The following IL6R variants were observed in gnomAD, a reference collection of about 807,000 sequenced individuals.
IL6R encodes interleukin 6 receptor.
In IL6R, 38 loss-of-function variants were observed where a neutral mutation model predicts 48.3. That is an observed-to-expected ratio of 0.79 (90% CI 0.61 to 1.03). IL6R has a LOEUF of 1.03. Among genes scored for constraint, IL6R ranks in the 50% least tolerant of loss-of-function variants. The pLI is 0.00. For synonymous variants in IL6R, 264 were observed against 256.2 expected (o/e 1.03, Z -0.29); for missense variants, 534 against 618.3 (o/e 0.86, Z 1.45).
In IL6R at chr1:154,434,500, C is replaced by CT; in HGVS notation, c.459-17dup. On this transcript the variant is annotated intron_variant, in intron 3 of 9. Coordinates refer to ENST00000368485, the MANE Select transcript of IL6R (RefSeq NM_000565.4). ...GCGAAACTGACAGGCAAGCCCTGCC[C>CT]TTGTTTTGTGTCTAACAGTCAGAAC... The CT allele has an allele frequency of 6.2e-7, 1 of 1,606,490 alleles. No homozygotes were observed.
At chr1:154,454,038 A>G (rs1690734354) in intron 8 of IL6R, 1 of 172,286 alleles carries the variant, frequency 5.8e-6, no homozygotes, top group South Asian at 1.3e-4. Flanking sequence ...CACTTGATTT[A>G]AAGCATCCAA....
intron 3 of IL6R, 89 bp from the exon 4 acceptor site, chr1:154,434,430 A>C: frequency 1.7e-6 from 2 of 1,195,776 alleles, no homozygotes; most frequent in Non-Finnish European, 2.4e-6. Context: ...CTGGGATTCA[A>C]ACCCCGGGAT....
chr1:154,450,634 G>T (rs1367147208), intron 8 of IL6R, among the ~76,000 whole-genome samples: 1 of 152,196 alleles, frequency 6.6e-6, no homozygotes, highest in Non-Finnish European at 1.5e-5. Context: ...TTTATTTTGG[G>T]AGCCCTTGAT....
At chr1:154,424,472 C>T (rs1339694240) in intron 1 of IL6R, among the ~76,000 whole-genome samples, 3 of 152,204 alleles carry the variant, frequency 2.0e-5, no homozygotes, top group Non-Finnish European at 4.4e-5. Context: ...ATCAGCGAAT[C>T]AGCTGAGGAA....
rs1691529411 is a variant in IL6R, at chr1:154,465,842, T to G, written c.*462T>G. The G allele has an allele frequency of 1.3e-5, 2 of 159,760 alleles. No individual in the cohort carries two copies. Among genetic ancestry groups the G allele is most frequent in the Admixed American group, 1.2e-4 (2 of 16,262 alleles). 9.9% of individuals were successfully genotyped at this position (159,760 alleles called of 1,614,324 possible). Reference sequence around the variant, plus strand: ...CCACTGCATCGTTTCATCTTCCAACTCAAACTCTTAAAACCCAAGTGCCTT... The same window carrying G: ...CCACTGCATCGTTTCATCTTCCAACGCAAACTCTTAAAACCCAAGTGCCTT... On this transcript the variant is annotated 3_prime_UTR_variant, in exon 10 of 10. Coordinates refer to ENST00000368485, the MANE Select transcript of IL6R (RefSeq NM_000565.4).
intron 3 of IL6R, among the ~76,000 whole-genome samples, chr1:154,433,129 G>A (rs1689399922): frequency 6.6e-6 from 1 of 152,228 alleles, no homozygotes; most frequent in African/African-American, 2.4e-5. Context: ...CTTCGTGGCT[G>A]GGTGGAAGCC....
chr1:154,437,744 C>T (rs568544781), intron 6 of IL6R, among the ~76,000 whole-genome samples: 7 of 150,822 alleles, frequency 4.6e-5, no homozygotes, highest in East Asian at 3.9e-4. Flanking sequence ...GACGGAATCT[C>T]GCTCTGTTGC....
chr1:154,460,398 C>T (rs1368479368), intron 9 of IL6R, among the ~76,000 whole-genome samples: 1 of 141,250 alleles, frequency 7.1e-6, no homozygotes, highest in Non-Finnish European at 1.6e-5. Flanking sequence ...AAGGAAAGCT[C>T]ACCTTTCTTT....
chr1:154,420,851 T>G (rs1047502607), intron 1 of IL6R, among the ~76,000 whole-genome samples: 1 of 152,130 alleles, frequency 6.6e-6, no homozygotes, highest in Non-Finnish European at 1.5e-5. Flanking sequence ...GTACTTTATA[T>G]TAAAGAACAA....
At chr1:154,438,501 T>C (rs574000327) in intron 6 of IL6R, among the ~76,000 whole-genome samples, 1 of 152,092 alleles carries the variant, frequency 6.6e-6, no homozygotes, top group East Asian at 1.9e-4. Flanking sequence ...TCTTAAATAC[T>C]TGGCAGTTAG....
intron 9 of IL6R, among the ~76,000 whole-genome samples, chr1:154,456,556 A>G (rs933354998): frequency 2.0e-5 from 3 of 152,158 alleles, no homozygotes; most frequent in Non-Finnish European, 4.4e-5. Flanking sequence ...AACAGATTAG[A>G]TGAGGAGGAT....
chr1:154,418,884 C>A (rs75716317), intron 1 of IL6R, among the ~76,000 whole-genome samples: 1 of 147,278 alleles, frequency 6.8e-6, no homozygotes, highest in East Asian at 1.9e-4. Flanking sequence ...ATGGCGCTGA[C>A]CCCCCCTTGT....
intron 8 of IL6R, among the ~76,000 whole-genome samples, chr1:154,450,963 C>T (rs1300674684): frequency 2.0e-5 from 3 of 152,242 alleles, no homozygotes; most frequent in Non-Finnish European, 4.4e-5. Flanking sequence ...GAGCTCTGCA[C>T]AGTTGGGGAC....
intron 1 of IL6R, among the ~76,000 whole-genome samples, chr1:154,426,776 C>T (rs192422026): frequency 9.1e-4 from 139 of 152,154 alleles, no homozygotes; most frequent in Non-Finnish European, 1.5e-3. Flanking sequence ...AAACAATGTT[C>T]GCAATGCTAA....
At chr1:154,415,140 T>C in intron 1 of IL6R, 1 of 918,676 alleles carries the variant, frequency 1.1e-6, no homozygotes, top group Non-Finnish European at 1.7e-6. Flanking sequence ...GTACTTGCCG[T>C]CCTCAGCCTG....
intron 1 of IL6R, among the ~76,000 whole-genome samples, chr1:154,411,254 T>A (rs1341916180): frequency 1.3e-5 from 2 of 152,156 alleles, no homozygotes; most frequent in Non-Finnish European, 2.9e-5. Context: ...AGATGGGGTT[T>A]CACCAGGTTG....
At position 154,415,048 on chromosome 1, in the gene IL6R, G is replaced by C. The variant is rs563007853; in HGVS notation, c.85+9334G>C. On this transcript the variant is annotated intron_variant, in intron 1 of 9. Transcript: ENST00000368485. ...GTTGGCAAGAAGTTGAGCTCCAGAA[G>C]AACTAGCTTGAGGCAGCCCAGCTCT... 55 of 1,508,754 alleles carry C rather than the reference G, an allele frequency of 3.6e-5. No individual in the cohort carries two copies. The East Asian group carries it at 1.3e-3, about 35-fold the overall frequency. 93.5% of individuals were successfully genotyped at this position (1,508,754 alleles called of 1,614,324 possible).
chr1:154,430,402 A>AG (rs1168552553), intron 2 of IL6R, 81 bp from the exon 3 acceptor site: 1 of 1,558,992 alleles, frequency 6.4e-7, no homozygotes, highest in East Asian at 2.3e-5. Flanking sequence ...GCTCCCCTCA[A>AG]GGGAGGCTGC....
rs112235847 is a variant in IL6R at position 154,454,823 on chromosome 1, C to T, written c.1160+242C>T. 7.3e-3 allele frequency among the ~76,000 whole-genome samples: 1,116 copies of T among 152,290 alleles called. 13 individuals are homozygous for T. Among genetic ancestry groups the T allele is most frequent in the African/African-American group, 0.025 (1,047 of 41,552 alleles). ...AAGAAGTCAGACACGAAGAGGTAAT[C>T]ACTACTGTGGTAAGAGCTACAAAAA... On this transcript the variant is annotated intron_variant, in intron 9 of 9. Transcript: ENST00000368485.
Sources: gnomAD v4.1 joint callset for allele counts (sites outside exome capture counted in the v4.1 genomes callset) on GRCh38, gnomAD v4.1.1 for gene constraint, MANE v1.5 for transcripts, NCBI Gene and HGNC (gene_info 2026-07-23, HGNC 2026-07-21) for gene names.